The following PDZD2 variants were observed in gnomAD, a reference collection of about 807,000 sequenced individuals.
The protein encoded by PDZD2 is PDZ domain containing 2.
PDZD2 carries 90 observed loss-of-function variants against 220.7 expected under a neutral mutation model. The ratio of observed to expected loss-of-function variants is 0.41; its 90% CI spans 0.34 to 0.49. The LOEUF (loss-of-function observed/expected upper bound fraction) is 0.49. Among genes scored for constraint, PDZD2 ranks in the 20% least tolerant of loss-of-function variants. The pLI, the probability that PDZD2 is intolerant of heterozygous loss-of-function variation, is 0.28. For missense variants in PDZD2, 3,174 were observed against 3,608.5 expected (o/e 0.88, Z 3.08); for synonymous variants, 1,375 against 1,450.5 (o/e 0.95, Z 1.18).
rs186788858 is a variant in PDZD2 at position 32,021,237 on chromosome 5, C to T, written c.1407+10755C>T. ...ACAAACTCCTCACCCCACCCCCTAC[C>T]GTTACTGTTTGCTTGCCTTGATTTT... On this transcript the variant is annotated intron_variant, in intron 6 of 24. Transcript: ENST00000438447. Among the ~76,000 whole-genome samples, 5 of 151,828 alleles carry T rather than the reference C, an allele frequency of 3.3e-5. 1 individual carries two copies. Among genetic ancestry groups the T allele is most frequent in the African/African-American group, 4.8e-5 (2 of 41,342 alleles).
At position 31,720,030 on chromosome 5, in the gene PDZD2, C is replaced by T. The variant is rs148775813; in HGVS notation, c.-360-78859C>T. 9.9e-4 allele frequency among the ~76,000 whole-genome samples: 151 copies of T among 152,338 alleles called. 2 individuals carry two copies. The highest frequency in any genetic ancestry group is 3.4e-3 in the African/African-American group (141 of 41,584). On this transcript the variant is annotated intron_variant, in intron 1 of 24. Transcript: ENST00000438447. ...CCCAGTGGAGATCTTTCACTCATAT[C>T]AGTGCCCTGGCACCAATGCTGGATG...
At chr5:31,949,335 C>G (rs1228961124) in intron 2 of PDZD2, among the ~76,000 whole-genome samples, 1 of 151,958 alleles carries the variant, frequency 6.6e-6, no homozygotes, top group Non-Finnish European at 1.5e-5. Flanking sequence ...ACCCCAGTTC[C>G]CCAAATTCAT....
intron 2 of PDZD2, among the ~76,000 whole-genome samples, chr5:31,893,080 TA>T (rs34950471): frequency 0.092 from 13,976 of 152,216 alleles, 736 homozygotes; most frequent in Admixed American, 0.11. Flanking sequence ...CAAGAAAGAA[TA>T]TTTTTTTGGA....
At chr5:31,766,144 C>T (rs1209524799) in intron 1 of PDZD2, among the ~76,000 whole-genome samples, 1 of 152,160 alleles carries the variant, frequency 6.6e-6, no homozygotes, top group Non-Finnish European at 1.5e-5. Flanking sequence ...CAGGGTATTG[C>T]ACTCCAGCCT....
chr5:31,653,065 A>T (rs1022542682), intron 1 of PDZD2, among the ~76,000 whole-genome samples: 4 of 151,974 alleles, frequency 2.6e-5, no homozygotes, highest in African/African-American at 7.2e-5. Context: ...CCTGAACCTC[A>T]CTTTTGCTGG....
At chr5:32,023,104 G>A (rs559719489) in intron 6 of PDZD2, among the ~76,000 whole-genome samples, 2 of 152,324 alleles carry the variant, frequency 1.3e-5, no homozygotes, top group South Asian at 4.1e-4. Flanking sequence ...GGGAGCAAGG[G>A]CCCCTTGGCA....
At chr5:31,658,662 C>A (rs1178583629) in intron 1 of PDZD2, among the ~76,000 whole-genome samples, 4 of 151,890 alleles carry the variant, frequency 2.6e-5, no homozygotes, top group African/African-American at 9.7e-5. Context: ...CTCTGTCGCC[C>A]AGGCTGGAGT....
At chr5:31,755,029 A>T (rs1751224450) in intron 1 of PDZD2, among the ~76,000 whole-genome samples, 1 of 152,178 alleles carries the variant, frequency 6.6e-6, no homozygotes, top group South Asian at 2.1e-4. Flanking sequence ...AAGGATGTTG[A>T]TGTTGTGTGA....
rs6889675 is a variant in PDZD2, at chr5:31,962,366, T to C, written c.477-20789T>C. Among the ~76,000 whole-genome samples, 842 of 152,234 alleles carry C rather than the reference T, an allele frequency of 5.5e-3. 12 individuals are homozygous for C. The highest frequency in any genetic ancestry group is 0.019 in the African/African-American group (792 of 41,510). ...AGGTGGTGCCAATACGTAAATCCTTTAGGGAAGTTGGACAGGAAGGGAAAA... is the reference window on the plus strand; with the variant it reads ...AGGTGGTGCCAATACGTAAATCCTTCAGGGAAGTTGGACAGGAAGGGAAAA... On this transcript the variant is annotated intron_variant, in intron 2 of 24. Transcript: ENST00000438447.
In PDZD2 at chr5:32,090,015, C is replaced by G. The variant is rs1742939912; in HGVS notation, c.6567C>G (p.Ser2189Arg). ...CAGAATACTCCCAGGGAAAATCAAG[C>G]CTGATGTCAGACTCCCGAGGGGTGC... ...RKAEYSQGKS[S>R]LMSDSRGVPR... The change falls in exon 20 of 25, where the codon AGC becomes AGG. Residue 2189 changes from serine (S) to arginine (R), a missense_variant. This residue lies in a region of PDZD2 where 1,861 missense variants were observed against 2,001.0 expected (regional missense o/e 0.93). Transcript: ENST00000438447. The surrounding 1 kb of genome is among the most constrained non-coding windows in gnomAD (Gnocchi z 4.3). 2 of 1,606,786 alleles carry G rather than the reference C, an allele frequency of 1.2e-6. No individual in the cohort carries two copies. The highest frequency in any genetic ancestry group is 4.5e-5 in the East Asian group (2 of 44,818).
In PDZD2 at chr5:32,009,517, C is replaced by G. The variant is rs187941136; in HGVS notation, c.1255-813C>G. Reference sequence around the variant, plus strand: ...CCACAGCAGGAGAATGGCTTGAGCCCAGGAGTTCGAGACCAGCCTGGGCAA... The same window carrying G: ...CCACAGCAGGAGAATGGCTTGAGCCGAGGAGTTCGAGACCAGCCTGGGCAA... On this transcript the variant is annotated intron_variant, in intron 5 of 24. Transcript: ENST00000438447. Among the ~76,000 whole-genome samples, 517 of 151,352 alleles carry G rather than the reference C, an allele frequency of 3.4e-3. 4 individuals are homozygous for G. Among genetic ancestry groups the G allele is most frequent in the East Asian group, 0.019 (97 of 5,084 alleles).
chr5:31,764,423 C>G (rs1751862434), intron 1 of PDZD2, among the ~76,000 whole-genome samples: 1 of 152,162 alleles, frequency 6.6e-6, no homozygotes, highest in South Asian at 2.1e-4. Flanking sequence ...TCCAAAAACT[C>G]TCCTGGAACT....
At chr5:32,041,633 C>T (rs1466757253) in intron 7 of PDZD2, among the ~76,000 whole-genome samples, 1 of 151,978 alleles carries the variant, frequency 6.6e-6, no homozygotes, top group Non-Finnish European at 1.5e-5. Flanking sequence ...TAAACAAATG[C>T]TTGAAGGCAG....
chr5:31,974,196 G>A (rs1749548412), intron 2 of PDZD2, among the ~76,000 whole-genome samples: 1 of 152,104 alleles, frequency 6.6e-6, no homozygotes, highest in African/African-American at 2.4e-5. Context: ...GACCGGGCTG[G>A]TCTCTAACTC....
intron 1 of PDZD2, among the ~76,000 whole-genome samples, chr5:31,663,183 G>T (rs1580533399): frequency 6.6e-6 from 1 of 152,188 alleles, no homozygotes; most frequent in South Asian, 2.1e-4. Flanking sequence ...TTAGGAATAA[G>T]TTCCATTAAT....
At chr5:31,977,130 T>C (rs565466271) in intron 2 of PDZD2, among the ~76,000 whole-genome samples, 5 of 152,026 alleles carry the variant, frequency 3.3e-5, no homozygotes, top group African/African-American at 1.2e-4. Flanking sequence ...AGCTCTGAGA[T>C]TGTAGGTGTC....
chr5:31,983,316 G>A lies in PDZD2; in HGVS notation c.638G>A (p.Gly213Glu). The A allele has an allele frequency of 6.2e-7, 1 of 1,614,166 alleles. No homozygotes were observed. Among genetic ancestry groups the A allele is most frequent in the Non-Finnish European group, 8.5e-7 (1 of 1,180,034 alleles). Residue 213 changes from glycine to glutamate, a missense_variant, in exon 3 of 25, where the codon GGG becomes GAG. Physicochemically the swap from Gly to Glu is moderately conservative, Grantham distance 98. Around this residue, in one of 4 missense-constraint regions of PDZD2, gnomAD observed 632 missense variants for 708.1 expected, o/e 0.89. Coordinates refer to ENST00000438447, the MANE Select transcript of PDZD2 (RefSeq NM_178140.4). ...CTGGGTGACCGAACTGCGAAAAAGG[G>A]GAAACGAACCAGAAAGTTTGGGGTC... ...LELGDRTAKK[G>E]KRTRKFGVIS...
intron 2 of PDZD2, among the ~76,000 whole-genome samples, chr5:31,911,814 T>C (rs1201836640): frequency 6.6e-6 from 1 of 152,306 alleles, no homozygotes; most frequent in South Asian, 2.1e-4. Context: ...AGGACTGCGC[T>C]TCTCTTCTGC....
At chr5:31,971,565 G>A (rs1314919088) in intron 2 of PDZD2, among the ~76,000 whole-genome samples, 1 of 152,152 alleles carries the variant, frequency 6.6e-6, no homozygotes, top group Non-Finnish European at 1.5e-5. Context: ...AAAAGCTGTT[G>A]TCTCTAGCTT....
Sources: gnomAD v4.1 joint callset for allele counts (sites outside exome capture counted in the v4.1 genomes callset) on GRCh38, gnomAD v4.1.1 for gene constraint, gnomAD v4.1.1 regional missense constraint, Gnocchi (gnomAD v3.1) non-coding constraint, MANE v1.5 for transcripts, NCBI Gene and HGNC (gene_info 2026-07-23, HGNC 2026-07-21) for gene names.